The following ZAR1 variants were observed in gnomAD, a reference collection of about 807,000 sequenced individuals.
ZAR1 encodes zygote arrest 1.
In ZAR1, 37 loss-of-function variants were observed where a neutral mutation model predicts 38.3. The ratio of observed to expected loss-of-function variants is 0.97; its 90% confidence interval spans 0.74 to 1.27. ZAR1 has a LOEUF of 1.27. Ranked by LOEUF, ZAR1 falls within the 50% of genes most tolerant of loss-of-function variation. ZAR1 has a pLI of 0.00. For missense variants in ZAR1, 651 were observed against 632.4 expected (o/e 1.03, Z -0.32); for synonymous variants, 336 against 292.0 (o/e 1.15, Z -1.53).
chr4:48,492,450 A>G (rs1718469556), intron 1 of ZAR1, among the ~76,000 whole-genome samples: 1 of 152,162 alleles, frequency 6.6e-6, no homozygotes, highest in Admixed American at 6.5e-5. Context: ...ATCAGGCTTT[A>G]TCTTAAAAGG....
Position 48,491,167 on chromosome 4 carries a change from C to A in ZAR1, c.876C>A (p.Asp292Glu). Residue 292 changes from aspartate (D) to glutamate (E), a missense_variant, in exon 1 of 4, where the codon GAC (aspartate) becomes GAA (glutamate). Around this residue, in one of 2 missense-constraint regions of ZAR1, gnomAD observed 522 missense variants for 459.9 expected, o/e 1.14. Coordinates refer to ENST00000327939, the MANE Select transcript of ZAR1 (RefSeq NM_175619.3). ...GQPPSAGRAR[D>E]GGDGREAAVA... The stretch of plus-strand genomic sequence containing the variant: ...CTCCGTCGGCGGGGAGGGCCCGAGA[C>A]GGCGGCGACGGACGGGAGGCGGCCG... The A allele has an allele frequency of 8.1e-7, 1 of 1,238,694 alleles. No homozygotes were observed. Among genetic ancestry groups the A allele is most frequent in the Non-Finnish European group, 1.0e-6 (1 of 992,934 alleles). 76.7% of individuals were successfully genotyped at this position (1,238,694 alleles called of 1,614,324 possible).
In ZAR1 at chr4:48,490,410, G is replaced by GGCGGCGCGGCGGGCGGCAGCTT; in HGVS notation, c.121_122insGGCGCGGCGGGCGGCAGCTTGC (p.Gln41ArgfsTer318). On this transcript the variant is annotated frameshift_variant, in exon 1 of 4. Transcript: ENST00000327939. LOFTEE classifies it high-confidence loss of function. Reference sequence around the variant, plus strand: ...GGCAAGGGCGCGGCGGGCGGCAGCTGGCAGCAGCGCGGCAGGGGCTGCCTT... The same window carrying GGCGGCGCGGCGGGCGGCAGCTT: ...GGCAAGGGCGCGGCGGGCGGCAGCTGGCGGCGCGGCGGGCGGCAGCTTGCAGCAGCGCGGCAGGGGCTGCCTT... The GGCGGCGCGGCGGGCGGCAGCTT allele has an allele frequency of 6.7e-7, 1 of 1,491,424 alleles. No individual in the cohort carries two copies. Among genetic ancestry groups the GGCGGCGCGGCGGGCGGCAGCTT allele is most frequent in the Non-Finnish European group, 8.9e-7 (1 of 1,124,568 alleles). 92.4% of individuals were successfully genotyped at this position (1,491,424 alleles called of 1,614,324 possible). A position where few individuals can be genotyped will look rare whatever the true frequency, so the allele number is the denominator to read the frequency against.
In ZAR1 at chr4:48,490,464, C is replaced by T; in HGVS notation, c.173C>T (p.Ala58Val). The T allele has an allele frequency of 6.8e-7, 1 of 1,464,926 alleles. No individual in the cohort carries two copies. The highest frequency in any genetic ancestry group is 1.3e-5 in the South Asian group (1 of 74,310). The allele number at this position is 1,464,926 out of a possible 1,614,324, so 90.7% of individuals were successfully genotyped here. The change falls in exon 1 of 4, where the codon GCG becomes GTG. Residue 58 changes from alanine to valine, a missense_variant. Transcript: ENST00000327939. The part of the protein sequence containing the change: ...LPASSPCSAG[A>V]ASLSFPGCGR... The stretch of plus-strand genomic sequence containing the variant: ...GCCTCCTCCCCCTGCTCGGCGGGCG[C>T]GGCCTCGTTGTCCTTCCCGGGCTGC...
rs746655373 is a variant in ZAR1 at position 48,490,412 on chromosome 4, C to G, written c.121C>G (p.Gln41Glu). 35 of 1,489,216 alleles carry G rather than the reference C, an allele frequency of 2.4e-5. No individual in the cohort carries two copies. The highest frequency in any genetic ancestry group is 3.0e-5 in the Non-Finnish European group (34 of 1,123,640). The allele number at this position is 1,489,216 out of a possible 1,614,324, so 92.3% of individuals were successfully genotyped here. A position where few individuals can be genotyped will look rare whatever the true frequency, so the allele number is the denominator to read the frequency against. ...KGKGAAGGSW[Q>E]QRGRGCLPAS... Reference sequence around the variant, plus strand: ...CAAGGGCGCGGCGGGCGGCAGCTGGCAGCAGCGCGGCAGGGGCTGCCTTCC... The same window carrying G: ...CAAGGGCGCGGCGGGCGGCAGCTGGGAGCAGCGCGGCAGGGGCTGCCTTCC... The change falls in exon 1 of 4, where the codon CAG becomes GAG. Residue 41 changes from glutamine to glutamate, a missense_variant. By Grantham distance (29) the Gln-to-Glu change is conservative (BLOSUM62 2). This residue lies in a region of ZAR1 where 522 missense variants were observed against 459.9 expected (regional missense o/e 1.14). Transcript: ENST00000327939.
In ZAR1 at chr4:48,491,208, C is replaced by A. The variant is rs1577772276; in HGVS notation, c.917C>A (p.Pro306Gln). The change falls in exon 1 of 4, where the codon CCG (proline) becomes CAG (glutamine). Residue 306 changes from proline (P) to glutamine (Q), a missense_variant. Physicochemically the swap from Pro to Gln is moderately conservative, Grantham distance 76. This residue lies in a region of ZAR1 where 129 missense variants were observed against 172.5 expected (regional missense o/e 0.75). Coordinates refer to ENST00000327939, the MANE Select transcript of ZAR1 (RefSeq NM_175619.3). ...GREAAVAGEG[P>Q]SPRSPELGKE... ...GAGGCGGCCGTCGCGGGAGAGGGGCCGTCGCCACGGAGCCCGGAGCTGGGC... is the reference window on the plus strand; with the variant it reads ...GAGGCGGCCGTCGCGGGAGAGGGGCAGTCGCCACGGAGCCCGGAGCTGGGC... 3.2e-6 allele frequency: 4 copies of A among 1,233,826 alleles called. No individual in the cohort carries two copies. The East Asian group carries it at 9.5e-5, about 29-fold the overall frequency. The allele number at this position is 1,233,826 out of a possible 1,614,324, so 76.4% of individuals were successfully genotyped here.
chr4:48,494,268 T>C lies in ZAR1; in HGVS notation c.*24T>C, dbSNP rs755014421. ...AGGTGAAAGTCAGTGTTGCTGTGCA[T>C]GCGCTGATGGAGTAGACGAGTGAGC... On this transcript the variant is annotated 3_prime_UTR_variant, in exon 4 of 4. Coordinates refer to ENST00000327939, the MANE Select transcript of ZAR1 (RefSeq NM_175619.3). 2.2e-5 allele frequency: 36 copies of C among 1,613,064 alleles called. No individual in the cohort carries two copies. Among genetic ancestry groups the C allele is most frequent in the South Asian group, 6.6e-5 (6 of 91,050 alleles).
In ZAR1 at chr4:48,490,309, C is replaced by T. The variant is rs928985193; in HGVS notation, c.18C>T (p.Asp6=). ...GTGCGCCCATGGCGGCCCTGGGGGACGAGGTGCTGGACGGTTACGTGTTCC... is the reference window on the plus strand; with the variant it reads ...GTGCGCCCATGGCGGCCCTGGGGGATGAGGTGCTGGACGGTTACGTGTTCC... MAALG[D]EVLDGYVFPA... Residue 6 remains aspartate (D), a synonymous_variant, in exon 1 of 4, where the codon GAC becomes GAT. Transcript: ENST00000327939. 1.8e-5 allele frequency: 27 copies of T among 1,505,960 alleles called. No individual in the cohort carries two copies. The highest frequency in any genetic ancestry group is 2.8e-5 in the East Asian group (1 of 35,908). The allele number at this position is 1,505,960 out of a possible 1,614,324, so 93.3% of individuals were successfully genotyped here. A position where few individuals can be genotyped will look rare whatever the true frequency, so the allele number is the denominator to read the frequency against.
Position 48,492,627 on chromosome 4 carries a change from A to T in ZAR1, c.964-139A>T, listed in dbSNP as rs1228823284. 4.1e-6 allele frequency: 3 copies of T among 737,736 alleles called. No homozygotes were observed. The East Asian group carries it at 7.3e-5, about 18-fold the overall frequency. The allele number at this position is 737,736 out of a possible 1,614,324, so 45.7% of individuals were successfully genotyped here. On this transcript the variant is annotated intron_variant, in intron 1 of 3. Transcript: ENST00000327939. ...AGCTCACTTAATTACTGTATTGAAG[A>T]GGCGTACCCAAACCTGACCTGCTTT...
intron 3 of ZAR1, 89 bp downstream of exon 3, chr4:48,493,101 G>T (rs996659655): frequency 8.1e-7 from 1 of 1,232,058 alleles, no homozygotes. Context: ...AAGAGGCCAG[G>T]CCCCCAGACC....
chr4:48,497,100 A>C (rs1194153801), downstream of ZAR1, among the ~76,000 whole-genome samples: 1 of 152,220 alleles, frequency 6.6e-6, no homozygotes, highest in African/African-American at 2.4e-5. Context: ...AGCAGCATGA[A>C]GAAACTGCCG....
rs1367788556 is a variant in ZAR1 at position 48,490,277 on chromosome 4, G to C, written c.-15G>C. 6.7e-7 allele frequency: 1 copy of C among 1,493,332 alleles called. No homozygotes were observed. The highest frequency in any genetic ancestry group is 8.9e-7 in the Non-Finnish European group (1 of 1,128,198). 92.5% of individuals were successfully genotyped at this position (1,493,332 alleles called of 1,614,324 possible). A position where few individuals can be genotyped will look rare whatever the true frequency, so the allele number is the denominator to read the frequency against. ...GCCTATTTAGGGTGCGGCGGCGGGC[G>C]GGAGCAGTGCGCCCATGGCGGCCCT... On this transcript the variant is annotated 5_prime_UTR_variant, in exon 1 of 4. Coordinates refer to ENST00000327939, the MANE Select transcript of ZAR1 (RefSeq NM_175619.3).
chr4:48,493,403 G>C (rs890997989), intron 3 of ZAR1, among the ~76,000 whole-genome samples: 2 of 152,112 alleles, frequency 1.3e-5, no homozygotes, highest in African/African-American at 4.8e-5. Context: ...AGCACAGGGG[G>C]TTAGTTTGTC....
rs1266243637 is a variant in ZAR1 at position 48,494,300 on chromosome 4, G to A, written c.*56G>A. 22 of 1,593,520 alleles carry A rather than the reference G, an allele frequency of 1.4e-5. No individual in the cohort carries two copies. The highest frequency in any genetic ancestry group is 1.2e-4 in the African/African-American group (9 of 74,530). On this transcript the variant is annotated 3_prime_UTR_variant, in exon 4 of 4. Coordinates refer to ENST00000327939, the MANE Select transcript of ZAR1 (RefSeq NM_175619.3). ...ATGGAGTAGACGAGTGAGCTTTTCCGTGCCTCTCCTCCACCTCTCCCTTCT... is the reference window on the plus strand; with the variant it reads ...ATGGAGTAGACGAGTGAGCTTTTCCATGCCTCTCCTCCACCTCTCCCTTCT...
downstream of ZAR1, among the ~76,000 whole-genome samples, chr4:48,496,995 A>T (rs1322735559): frequency 6.6e-6 from 1 of 152,124 alleles, no homozygotes; most frequent in Non-Finnish European, 1.5e-5. Flanking sequence ...TCCTAAATTT[A>T]AGGGAGGTTA....
At chr4:48,495,457 C>T (rs1425949197), downstream of ZAR1, among the ~76,000 whole-genome samples, 1 of 152,184 alleles carries the variant, frequency 6.6e-6, no homozygotes, top group Non-Finnish European at 1.5e-5. Context: ...AAAGGCCCAC[C>T]TGCATCAATG....
At chr4:48,495,001 T>G (rs944025398), downstream of ZAR1, among the ~76,000 whole-genome samples, 1 of 152,186 alleles carries the variant, frequency 6.6e-6, no homozygotes, top group Non-Finnish European at 1.5e-5. Context: ...CAAGTAGACT[T>G]TGTGTTTCTT....
intron 1 of ZAR1, among the ~76,000 whole-genome samples, chr4:48,491,706 A>G (rs1718448266): frequency 6.6e-6 from 1 of 152,242 alleles, no homozygotes; most frequent in South Asian, 2.1e-4. Context: ...GATTCTGGTC[A>G]GCAATTCTGA....
chr4:48,494,093 TC>T lies in ZAR1; in HGVS notation c.1132-3del. The T allele has an allele frequency of 1.2e-6, 2 of 1,608,940 alleles. No individual in the cohort carries two copies. The highest frequency in any genetic ancestry group is 2.2e-5 in the South Asian group (2 of 90,908). ...TTCTGCATGCCCTTCTGTATTTTTT[TC>T]CCCCAGAGTTGTAAACAAACGAGAT... On this transcript the variant is annotated splice_polypyrimidine_tract_variant and splice_region_variant and intron_variant, in intron 3 of 3. Coordinates refer to ENST00000327939, the MANE Select transcript of ZAR1 (RefSeq NM_175619.3).
Position 48,491,007 on chromosome 4 carries a change from C to CCGA in ZAR1, c.725_727dup (p.Asp242dup), listed in dbSNP as rs1248522611. 7.3e-7 allele frequency: 1 copy of CCGA among 1,364,770 alleles called. No homozygotes were observed. The highest frequency in any genetic ancestry group is 1.5e-5 in the African/African-American group (1 of 65,600). 84.5% of individuals were successfully genotyped at this position (1,364,770 alleles called of 1,614,324 possible). On this transcript the variant is annotated inframe_insertion, in exon 1 of 4. Coordinates refer to ENST00000327939, the MANE Select transcript of ZAR1 (RefSeq NM_175619.3). The stretch of plus-strand genomic sequence containing the variant: ...AAGAAGGCGCCCCGGCGGCCGCAGT[C>CCGA]CGACGACGACGGCGAGGCCCAGGCC...
Sources: gnomAD v4.1 joint callset for allele counts (sites outside exome capture counted in the v4.1 genomes callset) on GRCh38, gnomAD v4.1.1 for gene constraint, gnomAD v4.1.1 regional missense constraint, MANE v1.5 for transcripts, NCBI Gene and HGNC (gene_info 2026-07-23, HGNC 2026-07-21) for gene names.